Variants in MSH3 observed in about 807,000 individuals in gnomAD.
MSH3 encodes the protein DNA mismatch repair protein Msh3.
MSH3 carries 106 observed loss-of-function variants against 123.3 expected under a neutral mutation model. That is an observed-to-expected ratio of 0.86 (90% CI 0.73 to 1.01). The LOEUF is 1.01. MSH3 is among the 50% of genes least tolerant of loss of function. The pLI is 0.00. For missense variants in MSH3, 1,459 were observed against 1,347.6 expected (o/e 1.08, Z -1.29); for synonymous variants, 515 against 481.4 (o/e 1.07, Z -0.91).
rs894350334 is a variant in MSH3, at chr5:80,733,478, A to T, written c.1568+4513A>T. Among the ~76,000 whole-genome samples, 11 of 152,252 alleles carry T rather than the reference A, an allele frequency of 7.2e-5. No individual in the cohort carries two copies. The South Asian group carries it at 1.5e-3, about 20-fold the overall frequency. ...AGAAAAGCAAAAATAGATACATTGG[A>T]CTTCATCAAAGTAAAAGCTTTTATT... On this transcript the variant is annotated intron_variant, in intron 10 of 23. Transcript: ENST00000265081.
rs748721462 is a variant in MSH3, at chr5:80,665,214, T to C, written c.430T>C (p.Ser144Pro). 2 of 1,614,176 alleles carry C rather than the reference T, an allele frequency of 1.2e-6. No homozygotes were observed. Among genetic ancestry groups the C allele is most frequent in the South Asian group, 1.1e-5 (1 of 91,080 alleles). ...LEKLKEFCCDSALPQSRVQTE... is the reference protein window; with the variant it reads ...LEKLKEFCCDPALPQSRVQTE... ...AAAATTGAAAGAATTCTGCTGCGAT[T>C]CTGCCCTTCCTCAAAGTAGAGTCCA... The change falls in exon 3 of 24, where the codon TCT (serine) becomes CCT (proline). Residue 144 changes from serine (S) to proline (P), a missense_variant. Physicochemically the swap from Ser to Pro is moderately conservative, Grantham distance 74. Transcript: ENST00000265081.
chr5:80,686,495 G>C (rs1750096173), intron 8 of MSH3, among the ~76,000 whole-genome samples: 1 of 151,866 alleles, frequency 6.6e-6, no homozygotes, highest in African/African-American at 2.4e-5. Context: ...AGTAGAGACA[G>C]GATACGGGGT....
chr5:80,677,298 G>T (rs1166999569), intron 7 of MSH3, among the ~76,000 whole-genome samples: 1 of 152,076 alleles, frequency 6.6e-6, no homozygotes, highest in Admixed American at 6.6e-5. Flanking sequence ...TTCAGTCTGG[G>T]CAGTGCAGTT....
chr5:80,771,067 ATCT>A (rs1289071737), intron 15 of MSH3, among the ~76,000 whole-genome samples: 3 of 152,230 alleles, frequency 2.0e-5, no homozygotes, highest in Non-Finnish European at 4.4e-5. Context: ...GTTTTTAATA[ATCT>A]TCTCTAGGAT....
At chr5:80,834,761 C>G (rs1371991948) in intron 20 of MSH3, among the ~76,000 whole-genome samples, 1 of 151,946 alleles carries the variant, frequency 6.6e-6, no homozygotes, top group African/African-American at 2.4e-5. Flanking sequence ...TGACCTAGTA[C>G]TAGAGTCAAG....
chr5:80,667,157 A>T (rs1419211320), intron 3 of MSH3, among the ~76,000 whole-genome samples: 1 of 152,216 alleles, frequency 6.6e-6, no homozygotes, highest in East Asian at 1.9e-4. Flanking sequence ...CCATAAGGAT[A>T]AAACTTTTTT....
Position 80,834,603 on chromosome 5 carries a change from T to C in MSH3, c.2814-19527T>C, listed in dbSNP as rs951169271. ...AACTCTAGTTATTACATTTTAAATATAATTAAAATATATTTTTAGTTTAAA... is the reference window on the plus strand; with the variant it reads ...AACTCTAGTTATTACATTTTAAATACAATTAAAATATATTTTTAGTTTAAA... On this transcript the variant is annotated intron_variant, in intron 20 of 23. Transcript: ENST00000265081. Among the ~76,000 whole-genome samples, 48 of 145,548 alleles carry C rather than the reference T, an allele frequency of 3.3e-4. No homozygotes were observed. The East Asian group carries it at 7.5e-3, about 23-fold the overall frequency.
intron 9 of MSH3, among the ~76,000 whole-genome samples, chr5:80,726,153 G>A (rs1426537119): frequency 1.3e-5 from 2 of 152,144 alleles, no homozygotes; most frequent in Admixed American, 6.6e-5. Context: ...AGGCATTAAT[G>A]TTTACTTTCA....
At chr5:80,762,461 C>T (rs1398657460) in intron 13 of MSH3, among the ~76,000 whole-genome samples, 3 of 151,590 alleles carry the variant, frequency 2.0e-5, no homozygotes, top group Non-Finnish European at 4.4e-5. Context: ...ATATAAAATG[C>T]TGCAACCACT....
At chr5:80,810,172 C>CATATATATAT (rs113702568) in intron 19 of MSH3, among the ~76,000 whole-genome samples, 6,733 of 121,348 alleles carry the variant, frequency 0.055, 277 homozygotes, top group African/African-American at 0.082. Context: ...GTTTGACATA[C>CATATATATAT]ATATATATAT....
chr5:80,769,124 C>A, intron 15 of MSH3, 121 bp downstream of exon 15: 2 of 867,822 alleles, frequency 2.3e-6, no homozygotes, highest in East Asian at 2.7e-5. Context: ...CTGTTTTATT[C>A]CTTGGAAATA....
intron 19 of MSH3, among the ~76,000 whole-genome samples, chr5:80,804,972 G>A (rs1744862098): frequency 6.6e-6 from 1 of 152,180 alleles, no homozygotes. Flanking sequence ...TTCAACAATA[G>A]GGATCTTTTT....
At chr5:80,667,589 G>C (rs1749599731) in intron 3 of MSH3, among the ~76,000 whole-genome samples, 1 of 152,222 alleles carries the variant, frequency 6.6e-6, no homozygotes, top group Admixed American at 6.5e-5. Flanking sequence ...AGGGTGAGGG[G>C]TGTGTGAGCA....
intron 7 of MSH3, among the ~76,000 whole-genome samples, chr5:80,676,388 C>T (rs1749838921): frequency 1.3e-5 from 2 of 152,202 alleles, no homozygotes; most frequent in East Asian, 1.9e-4. Context: ...CATTTACAGA[C>T]TTACGTGGAC....
chr5:80,810,533 A>G (rs936761221), intron 19 of MSH3, among the ~76,000 whole-genome samples: 4 of 152,130 alleles, frequency 2.6e-5, no homozygotes, highest in Non-Finnish European at 2.9e-5. Flanking sequence ...ATATCTTGAC[A>G]GCATACTGTG....
At chr5:80,686,304 T>TC (rs1750088354) in intron 8 of MSH3, among the ~76,000 whole-genome samples, 1 of 152,140 alleles carries the variant, frequency 6.6e-6, no homozygotes, top group Non-Finnish European at 1.5e-5. Flanking sequence ...GCTATTTTTT[T>TC]TCTCTCTCTT....
At chr5:80,781,478 C>CTTT (rs71659599) in intron 17 of MSH3, among the ~76,000 whole-genome samples, 1 of 142,618 alleles carries the variant, frequency 7.0e-6, no homozygotes, top group African/African-American at 2.6e-5. Flanking sequence ...TTACCAAGTT[C>CTTT]TTTTTTTTTT....
At chr5:80,856,212 G>A (rs927839232) in intron 21 of MSH3, among the ~76,000 whole-genome samples, 4 of 151,926 alleles carry the variant, frequency 2.6e-5, no homozygotes, top group African/African-American at 9.7e-5. Flanking sequence ...TATTTTGGCA[G>A]TGAAGACCCA....
chr5:80,720,337 C>T lies in MSH3; in HGVS notation c.1341-5116C>T, dbSNP rs565809523. ...CTGTTTCTTTGCTTTGCCCTCTTTG[C>T]CAACTTTGTACCTTGGGGGCACCTT... On this transcript the variant is annotated intron_variant, in intron 8 of 23. Coordinates refer to ENST00000265081, the MANE Select transcript of MSH3 (RefSeq NM_002439.5). Among the ~76,000 whole-genome samples the T allele has an allele frequency of 3.9e-5, 6 of 152,232 alleles. No individual in the cohort carries two copies. The East Asian group carries it at 9.6e-4, about 24-fold the overall frequency.
Sources: gnomAD v4.1 joint callset for allele counts (sites outside exome capture counted in the v4.1 genomes callset) on GRCh38, gnomAD v4.1.1 for gene constraint, MANE v1.5 for transcripts, NCBI Gene and HGNC (gene_info 2026-07-23, HGNC 2026-07-21) for gene names.